Variants in GPC3 observed in about 807,000 individuals in gnomAD.
The protein encoded by GPC3 is glypican-3.
Under a neutral mutation model 34.4 loss-of-function variants are expected in GPC3, and 3 were observed. The ratio of observed to expected loss-of-function variants is 0.09; its 90% CI spans 0.04 to 0.23. The LOEUF is 0.23. Ranked by LOEUF, GPC3 falls within the 10% of genes least tolerant of loss-of-function variation. The pLI, the probability that GPC3 is intolerant of heterozygous loss-of-function variation, is 1.00. For missense variants in GPC3, 351 were observed against 445.6 expected (o/e 0.79, Z 1.91); for synonymous variants, 177 against 174.0 (o/e 1.02, Z -0.13).
intron 7 of GPC3, among the ~76,000 whole-genome samples, chrX:133,582,982 G>A (rs1207226839): frequency 1.8e-5 from 2 of 111,565 alleles, no homozygotes; most frequent in Admixed American, 1.9e-4. Flanking sequence ...TTCTTGTAGT[G>A]GCAAAACAAA....
At chrX:133,827,456 A>C (rs2075753240) in intron 2 of GPC3, among the ~76,000 whole-genome samples, 1 of 111,935 alleles carries the variant, frequency 8.9e-6, no homozygotes, top group Admixed American at 9.5e-5. Context: ...CAACAACAGC[A>C]TAAAGGAGAG....
chrX:133,689,991 GT>G (rs1446318340), intron 5 of GPC3, among the ~76,000 whole-genome samples: 1 of 111,328 alleles, frequency 9.0e-6, no homozygotes, highest in South Asian at 3.8e-4. Flanking sequence ...AATACCAACT[GT>G]TTTTTTCTGA....
At position 133,753,593 on chromosome X, in the gene GPC3, C is replaced by G; in HGVS notation, c.921G>C (p.Val307=). Residue 307 remains valine, a synonymous_variant, in exon 3 of 8, where the codon GTG becomes GTC. Coordinates refer to ENST00000370818, the MANE Select transcript of GPC3 (RefSeq NM_004484.4). ...REYILSLEEL[V]NGMYRIYDME... ...TGTCATAGATTCTGTACATGCCATTCACAAGTTCTTCAAGGGACAGAATGT... is the reference window on the plus strand; with the variant it reads ...TGTCATAGATTCTGTACATGCCATTGACAAGTTCTTCAAGGGACAGAATGT... The G allele has an allele frequency of 5.8e-6, 7 of 1,207,917 alleles. No individual in the cohort carries two copies. The highest frequency in any genetic ancestry group is 7.8e-6 in the Non-Finnish European group (7 of 891,859).
intron 3 of GPC3, among the ~76,000 whole-genome samples, chrX:133,709,127 A>G (rs927140500): frequency 8.9e-6 from 1 of 111,803 alleles, no homozygotes; most frequent in African/African-American, 3.2e-5. Context: ...CTCTTAATTG[A>G]AGTGTTATTA....
At chrX:133,796,406 A>G (rs933126053) in intron 2 of GPC3, among the ~76,000 whole-genome samples, 1 of 112,553 alleles carries the variant, frequency 8.9e-6, no homozygotes, top group Admixed American at 9.3e-5. Context: ...AGAGAAATGT[A>G]CTGACAAGTT....
At chrX:133,828,897 T>C (rs2075762608) in intron 2 of GPC3, among the ~76,000 whole-genome samples, 1 of 112,250 alleles carries the variant, frequency 8.9e-6, no homozygotes, top group African/African-American at 3.2e-5. Flanking sequence ...TTAACTGGCT[T>C]CATTTAGTCA....
chrX:133,763,205 C>A, intron 2 of GPC3: 1 of 622,351 alleles, frequency 1.6e-6, no homozygotes, highest in South Asian at 2.2e-5. Flanking sequence ...CTCACAGAGG[C>A]ATCTTATGTT....
At chrX:133,558,847 C>T (rs2069516606) in intron 7 of GPC3, among the ~76,000 whole-genome samples, 1 of 107,869 alleles carries the variant, frequency 9.3e-6, no homozygotes, top group Non-Finnish European at 1.9e-5. Context: ...CCAAAGATCA[C>T]ACCACTGCAC....
chrX:133,575,781 G>T (rs1185795709), intron 7 of GPC3, among the ~76,000 whole-genome samples: 6 of 111,873 alleles, frequency 5.4e-5, no homozygotes, highest in Non-Finnish European at 5.6e-5. Context: ...CAGCACAGAG[G>T]AGTAGACCTA....
chrX:133,707,755 T>TG (rs1419873666), intron 3 of GPC3, among the ~76,000 whole-genome samples: 3 of 110,926 alleles, frequency 2.7e-5, no homozygotes, highest in South Asian at 3.9e-4. Context: ...AATTTTTTAA[T>TG]GGGGGGGCAG....
At chrX:133,858,151 G>A (rs2075915319) in intron 2 of GPC3, among the ~76,000 whole-genome samples, 1 of 111,673 alleles carries the variant, frequency 9.0e-6, no homozygotes, top group Non-Finnish European at 1.9e-5. Context: ...CCATTATCTG[G>A]AGAAATTTCC....
intron 2 of GPC3, among the ~76,000 whole-genome samples, chrX:133,880,773 C>T (rs2076038280): frequency 9.0e-6 from 1 of 111,371 alleles, no homozygotes; most frequent in African/African-American, 3.3e-5. Context: ...AATCACTGAC[C>T]ATAATGCTGA....
chrX:133,554,417 G>C (rs1156959134), intron 7 of GPC3, among the ~76,000 whole-genome samples: 1 of 109,886 alleles, frequency 9.1e-6, no homozygotes, highest in East Asian at 2.8e-4. Context: ...GTGAGTTCTA[G>C]ATTTCTCGTC....
intron 2 of GPC3, among the ~76,000 whole-genome samples, chrX:133,867,320 T>C (rs1454822138): frequency 1.8e-5 from 2 of 111,634 alleles, no homozygotes; most frequent in Non-Finnish European, 3.8e-5. Context: ...GAACTAGACA[T>C]TGAATTATTG....
At chrX:133,671,522 C>T (rs1379810889) in intron 5 of GPC3, 5 of 385,386 alleles carry the variant, frequency 1.3e-5, no homozygotes, top group African/African-American at 7.6e-5. Context: ...TGTTAAGCTA[C>T]GAGGGTGCTA....
At chrX:133,825,441 T>C (rs1037112095) in intron 2 of GPC3, among the ~76,000 whole-genome samples, 2 of 111,673 alleles carry the variant, frequency 1.8e-5, no homozygotes, top group Non-Finnish European at 3.8e-5. Flanking sequence ...TGGGAGGTTA[T>C]CTGGAAGATG....
intron 7 of GPC3, among the ~76,000 whole-genome samples, chrX:133,549,910 C>T (rs1053702966): frequency 9.7e-6 from 1 of 102,746 alleles, no homozygotes; most frequent in South Asian, 4.9e-4. Flanking sequence ...CTATCCTTTT[C>T]TCTCTCTCTC....
At chrX:133,615,041 T>C (rs2070147248) in intron 6 of GPC3, among the ~76,000 whole-genome samples, 1 of 112,004 alleles carries the variant, frequency 8.9e-6, no homozygotes, top group Non-Finnish European at 1.9e-5. Flanking sequence ...AGTAAAATAA[T>C]GAATTAGTAA....
At chrX:133,723,059 T>A (rs1268329731) in intron 3 of GPC3, among the ~76,000 whole-genome samples, 1 of 99,727 alleles carries the variant, frequency 1.0e-5, no homozygotes, top group Non-Finnish European at 1.9e-5. Flanking sequence ...TTCTTCCACT[T>A]AGAATTGACT....
Sources: gnomAD v4.1 joint callset for allele counts (sites outside exome capture counted in the v4.1 genomes callset) on GRCh38, gnomAD v4.1.1 for gene constraint, MANE v1.5 for transcripts, NCBI Gene and HGNC (gene_info 2026-07-23, HGNC 2026-07-21) for gene names.